OPCML: variants seen among roughly 807,000 people sequenced by gnomAD.
OPCML encodes the protein opioid-binding protein/cell adhesion molecule.
OPCML carries 13 observed loss-of-function variants against 37.8 expected under a neutral mutation model. The ratio of observed to expected loss-of-function variants is 0.34; its 90% CI spans 0.22 to 0.55. OPCML has a LOEUF of 0.55. Among genes scored for constraint, OPCML ranks in the 20% least tolerant of loss-of-function variants. The pLI, the probability that OPCML is intolerant of heterozygous loss-of-function variation, is 0.91. For missense variants in OPCML, 341 were observed against 435.6 expected (o/e 0.78, Z 1.93); for synonymous variants, 176 against 168.8 (o/e 1.04, Z -0.33).
At chr11:132,550,800 GAAT>G (rs577632569) in intron 3 of OPCML, among the ~76,000 whole-genome samples, 8 of 152,206 alleles carry the variant, frequency 5.3e-5, no homozygotes, top group Non-Finnish European at 1.0e-4. Flanking sequence ...ATGGCAGAAA[GAAT>G]ATTTGTGAAC....
At chr11:132,440,457 AG>A (rs2096028843) in intron 4 of OPCML, among the ~76,000 whole-genome samples, 1 of 152,106 alleles carries the variant, frequency 6.6e-6, no homozygotes, top group Non-Finnish European at 1.5e-5. Context: ...CACCCTGAGC[AG>A]TGAAGCTGTG....
At chr11:132,892,478 A>G (rs1398039772) in intron 2 of OPCML, among the ~76,000 whole-genome samples, 1 of 152,222 alleles carries the variant, frequency 6.6e-6, no homozygotes, top group Non-Finnish European at 1.5e-5. Context: ...TCAAAAGTAA[A>G]GTATTCTTGG....
At chr11:132,637,892 G>A (rs1349401640) in intron 3 of OPCML, among the ~76,000 whole-genome samples, 1 of 152,052 alleles carries the variant, frequency 6.6e-6, no homozygotes, top group South Asian at 2.1e-4. Context: ...TCCTGCTCAG[G>A]ATAGTCTCTG....
At chr11:132,711,433 C>A (rs1046693138) in intron 2 of OPCML, among the ~76,000 whole-genome samples, 2 of 152,160 alleles carry the variant, frequency 1.3e-5, no homozygotes, top group Non-Finnish European at 2.9e-5. Context: ...AGGATTGGAA[C>A]GTTTTCCAGA....
At chr11:132,451,709 G>A (rs2096068761) in intron 4 of OPCML, among the ~76,000 whole-genome samples, 1 of 152,186 alleles carries the variant, frequency 6.6e-6, no homozygotes, top group Middle Eastern at 3.2e-3. Flanking sequence ...AAAAGTCTGA[G>A]TGCCTCCTAC....
intron 3 of OPCML, among the ~76,000 whole-genome samples, chr11:132,572,872 A>G (rs542006146): frequency 3.3e-5 from 5 of 152,056 alleles, no homozygotes; most frequent in Admixed American, 6.5e-5. Context: ...TTGTCTTCCA[A>G]TCCACAAGAA....
At chr11:132,973,063 T>C (rs143265354) in intron 1 of OPCML, among the ~76,000 whole-genome samples, 1 of 152,134 alleles carries the variant, frequency 6.6e-6, no homozygotes, top group African/African-American at 2.4e-5. Context: ...GACAGTTTTG[T>C]GTTGTTTGTT....
intron 2 of OPCML, among the ~76,000 whole-genome samples, chr11:132,891,037 A>G (rs1943626973): frequency 6.6e-6 from 1 of 152,148 alleles, no homozygotes; most frequent in Non-Finnish European, 1.5e-5. Flanking sequence ...ACATGGTAGT[A>G]GTATGCAATT....
intron 1 of OPCML, among the ~76,000 whole-genome samples, chr11:133,485,839 G>A (rs907591327): frequency 6.6e-6 from 1 of 152,174 alleles, no homozygotes; most frequent in Non-Finnish European, 1.5e-5. Context: ...GTTAATCAAG[G>A]TGGTGCTCTG....
chr11:132,763,992 G>A (rs1181392029), intron 2 of OPCML, among the ~76,000 whole-genome samples: 2 of 152,170 alleles, frequency 1.3e-5, no homozygotes, highest in Non-Finnish European at 2.9e-5. Flanking sequence ...CGACTACCAG[G>A]GCTCCCTCTA....
At chr11:132,504,670 G>T (rs938011645) in intron 4 of OPCML, among the ~76,000 whole-genome samples, 1 of 151,326 alleles carries the variant, frequency 6.6e-6, no homozygotes, top group Non-Finnish European at 1.5e-5. Flanking sequence ...TCTCGGTGTC[G>T]TCAGGGCATG....
chr11:133,328,187 T>C (rs1281916731), intron 1 of OPCML, among the ~76,000 whole-genome samples: 10 of 150,996 alleles, frequency 6.6e-5, no homozygotes, highest in African/African-American at 2.4e-4. Flanking sequence ...AGATGAAGTC[T>C]TGCTCTGTCA....
chr11:132,619,711 G>A (rs1211907761), intron 3 of OPCML, among the ~76,000 whole-genome samples: 3 of 151,294 alleles, frequency 2.0e-5, no homozygotes, highest in Admixed American at 6.6e-5. Context: ...AATTAGCCGG[G>A]CGTGGTGGCG....
At chr11:133,229,188 A>T (rs1377494494) in intron 1 of OPCML, among the ~76,000 whole-genome samples, 1 of 152,192 alleles carries the variant, frequency 6.6e-6, no homozygotes, top group Non-Finnish European at 1.5e-5. Context: ...TGCCCGGGGC[A>T]AGGACAGGAT....
intron 2 of OPCML, among the ~76,000 whole-genome samples, chr11:132,872,413 A>G (rs1264489340): frequency 6.6e-6 from 1 of 152,088 alleles, no homozygotes; most frequent in Non-Finnish European, 1.5e-5. Context: ...CCAGGTACAT[A>G]ATCACTCGTG....
At chr11:133,455,047 T>C (rs1946648421) in intron 1 of OPCML, among the ~76,000 whole-genome samples, 1 of 152,204 alleles carries the variant, frequency 6.6e-6, no homozygotes, top group African/African-American at 2.4e-5. Context: ...TATGTTTTTC[T>C]ATGGCTTAGC....
At chr11:133,367,146 C>T (rs1014392525) in intron 1 of OPCML, among the ~76,000 whole-genome samples, 2 of 152,088 alleles carry the variant, frequency 1.3e-5, no homozygotes, top group African/African-American at 4.8e-5. Flanking sequence ...ACCCAGCTAA[C>T]TTTTTTATTT....
At chr11:133,129,979 A>G (rs1949578683) in intron 1 of OPCML, among the ~76,000 whole-genome samples, 1 of 152,158 alleles carries the variant, frequency 6.6e-6, no homozygotes, top group African/African-American at 2.4e-5. Context: ...AAATCAGTCA[A>G]TTAAAAAAAG....
chr11:132,811,850 G>A lies in OPCML; in HGVS notation c.146+131076C>T, dbSNP rs111579078. On this transcript the variant is annotated intron_variant, in intron 2 of 7. Coordinates refer to ENST00000524381, the MANE Select transcript of OPCML (RefSeq NM_001012393.5). ...CATCCATGGGTGTGAAGAGCCTAGCGCTCCATCAATAGGCAGACGGATTAG... is the reference window on the plus strand; with the variant it reads ...CATCCATGGGTGTGAAGAGCCTAGCACTCCATCAATAGGCAGACGGATTAG... 9.0e-3 allele frequency among the ~76,000 whole-genome samples: 1,364 copies of A among 152,216 alleles called. 26 individuals carry two copies. The highest frequency in any genetic ancestry group is 0.03 in the African/African-American group (1,261 of 41,530).
Sources: gnomAD v4.1 joint callset for allele counts (sites outside exome capture counted in the v4.1 genomes callset) on GRCh38, gnomAD v4.1.1 for gene constraint, MANE v1.5 for transcripts, NCBI Gene and HGNC (gene_info 2026-07-23, HGNC 2026-07-21) for gene names.